PCDHA13: variants seen among roughly 807,000 people sequenced by gnomAD.
PCDHA13 encodes protocadherin alpha-13.
A neutral mutation model predicts 64.8 loss-of-function variants in PCDHA13; 54 were observed. The ratio of observed to expected loss-of-function variants is 0.83; its 90% confidence interval spans 0.67 to 1.04. The LOEUF (loss-of-function observed/expected upper bound fraction) is 1.04, where lower values mean the gene tolerates loss of function less well. Among genes scored for constraint, PCDHA13 ranks in the 50% least tolerant of loss-of-function variants. The pLI is 0.00. For missense variants in PCDHA13, 1,248 were observed against 1,254.3 expected, an observed-to-expected ratio of 0.99 and a Z score of 0.08; for synonymous variants, 587 against 564.4, an observed-to-expected ratio of 1.04 and a Z score of -0.57.
rs1554178547 is a variant in PCDHA13 at position 140,883,526 on chromosome 5, G to A, written c.1258G>A (p.Ala420Thr). ...DSALDRESVS[A>T]YELVVTARDG... is the part of the protein sequence containing the mutation. Reference sequence around the variant, plus strand: ...CGCCCTGGACCGCGAGAGCGTATCAGCCTATGAACTGGTGGTGACCGCGCG... The same window carrying A: ...CGCCCTGGACCGCGAGAGCGTATCAACCTATGAACTGGTGGTGACCGCGCG... The change falls in exon 1 of 4, where the codon GCC becomes ACC. Residue 420 changes from alanine to threonine, a missense_variant. Physicochemically the swap from Ala to Thr is moderately conservative, Grantham distance 58. Transcript: ENST00000289272. 2 of 1,614,226 alleles carry A rather than the reference G, an allele frequency of 1.2e-6. No homozygotes were observed. The highest frequency in any genetic ancestry group is 2.2e-5 in the East Asian group (1 of 44,880).
intron 1 of PCDHA13, among the ~76,000 whole-genome samples, chr5:140,937,010 C>A (rs2091260078): frequency 6.6e-6 from 1 of 151,324 alleles, no homozygotes; most frequent in Non-Finnish European, 1.5e-5. Context: ...GACAGACAAC[C>A]GATTAACAAG....
intron 3 of PCDHA13, among the ~76,000 whole-genome samples, chr5:140,990,165 G>A (rs2097378132): frequency 6.6e-6 from 1 of 152,126 alleles, no homozygotes; most frequent in African/African-American, 2.4e-5. Flanking sequence ...GTTAGGGTAT[G>A]AAAAGGTGAC....
chr5:140,967,756 C>T (rs1554229911), intron 1 of PCDHA13: 2 of 1,614,216 alleles, frequency 1.2e-6, no homozygotes, highest in Middle Eastern at 1.6e-4. Context: ...AAGCCTCCTC[C>T]TACCAGATCT....
At chr5:140,970,762 A>C (rs2096431667) in intron 1 of PCDHA13, among the ~76,000 whole-genome samples, 1 of 152,198 alleles carries the variant, frequency 6.6e-6, no homozygotes, top group Admixed American at 6.5e-5. Context: ...TCATTGACAT[A>C]TTGCTGTACA....
chr5:140,964,338 G>T (rs2153739261), intron 1 of PCDHA13, among the ~76,000 whole-genome samples: 1 of 152,320 alleles, frequency 6.6e-6, no homozygotes, highest in South Asian at 2.1e-4. Flanking sequence ...AACCTGGCAG[G>T]TGTCCTTGCT....
At chr5:140,945,243 A>G (rs1554216829) in intron 1 of PCDHA13, among the ~76,000 whole-genome samples, 1 of 152,166 alleles carries the variant, frequency 6.6e-6, no homozygotes, top group Admixed American at 6.5e-5. Flanking sequence ...AATTTAACCA[A>G]GAGGATGAAA....
intron 1 of PCDHA13, among the ~76,000 whole-genome samples, chr5:140,974,046 GATA>G (rs1554235775): frequency 6.6e-6 from 1 of 152,184 alleles, no homozygotes; most frequent in African/African-American, 2.4e-5. Context: ...TTATTAATAT[GATA>G]ATATTTGGAG....
intron 1 of PCDHA13, among the ~76,000 whole-genome samples, chr5:140,936,829 CTA>C (rs1370139349): frequency 5.9e-5 from 9 of 152,026 alleles, no homozygotes; most frequent in African/African-American, 1.7e-4. Flanking sequence ...CTTTGCATTT[CTA>C]TATAAATTGT....
chr5:140,925,596 T>G (rs1218423622), intron 1 of PCDHA13, among the ~76,000 whole-genome samples: 1 of 151,466 alleles, frequency 6.6e-6, no homozygotes, highest in Admixed American at 6.6e-5. Context: ...TGTATACATA[T>G]GTAACAAACC....
chr5:140,941,185 CTTT>C (rs782102770), intron 1 of PCDHA13, among the ~76,000 whole-genome samples: 1 of 102,176 alleles, frequency 9.8e-6, no homozygotes, highest in Admixed American at 9.9e-5. Flanking sequence ...CATCCTGCTT[CTTT>C]TTTTTTCTTT....
chr5:140,895,838 TCTCA>T (rs1554186667), intron 1 of PCDHA13, among the ~76,000 whole-genome samples: 2 of 152,136 alleles, frequency 1.3e-5, no homozygotes, highest in Admixed American at 1.3e-4. Context: ...TCAGACAAAG[TCTCA>T]CTCTTGTACC....
chr5:140,926,835 T>C (rs2083586569), intron 1 of PCDHA13: 4 of 1,505,630 alleles, frequency 2.7e-6, no homozygotes, highest in East Asian at 2.3e-5. Context: ...GTCCGGAGCA[T>C]GGTCCTGGGT....
At chr5:141,008,428 T>C (rs2098376052) in intron 3 of PCDHA13, among the ~76,000 whole-genome samples, 1 of 152,182 alleles carries the variant, frequency 6.6e-6, no homozygotes, top group Admixed American at 6.5e-5. Flanking sequence ...TGGGATCACT[T>C]TGCCCAGACA....
chr5:141,004,627 T>C lies in PCDHA13; in HGVS notation c.2543-5000T>C, dbSNP rs538896289. On this transcript the variant is annotated intron_variant, in intron 3 of 3. Transcript: ENST00000289272. ...GCCTCATGCAGAGTCCTGGTTATGG[T>C]TGAAGAAAAATTTCCATTTTGGGCT... 3.9e-5 allele frequency among the ~76,000 whole-genome samples: 6 copies of C among 152,330 alleles called. No individual in the cohort carries two copies. The East Asian group carries it at 1.2e-3, about 29-fold the overall frequency.
rs1554262808 is a variant in PCDHA13, at chr5:141,010,232, A to T, written c.*295A>T. On this transcript the variant is annotated 3_prime_UTR_variant, in exon 4 of 4. Coordinates refer to ENST00000289272, the MANE Select transcript of PCDHA13 (RefSeq NM_018904.3). ...AAAGGAGAGGCTTCCCAGCCCCGCC[A>T]GTGAGAGGTTGGACTCTCTGCCCTG... 6.4e-7 allele frequency: 1 copy of T among 1,551,952 alleles called. No homozygotes were observed. The highest frequency in any genetic ancestry group is 2.0e-5 in the Admixed American group (1 of 51,018).
At chr5:141,006,276 A>T (rs2098265134) in intron 3 of PCDHA13, among the ~76,000 whole-genome samples, 1 of 151,894 alleles carries the variant, frequency 6.6e-6, no homozygotes, top group Admixed American at 6.6e-5. Context: ...CAGTGGCACG[A>T]TCTCAGCTCA....
intron 3 of PCDHA13, among the ~76,000 whole-genome samples, chr5:140,995,371 C>T (rs143381591): frequency 1.3e-5 from 2 of 152,238 alleles, no homozygotes; most frequent in African/African-American, 2.4e-5. Flanking sequence ...GGATGATTCA[C>T]GTACTGGGCA....
At chr5:140,904,932 T>C in intron 1 of PCDHA13, among the ~76,000 whole-genome samples, 1 of 152,250 alleles carries the variant, frequency 6.6e-6, no homozygotes, top group African/African-American at 2.4e-5. Context: ...TTGTAGGTTC[T>C]GGATATTAGT....
chr5:140,980,044 T>G (rs1249451662), intron 2 of PCDHA13, among the ~76,000 whole-genome samples: 11 of 152,258 alleles, frequency 7.2e-5, no homozygotes, highest in Non-Finnish European at 1.5e-4. Flanking sequence ...GGGTGCTATT[T>G]CTGATTCAGA....
Sources: allele counts gnomAD v4.1 joint callset (sites outside exome capture counted in the v4.1 genomes callset), GRCh38; gene constraint gnomAD v4.1.1; transcripts MANE v1.5; gene names NCBI Gene and HGNC (gene_info 2026-07-23, HGNC 2026-07-21).